Variants in CSTPP1 observed in about 807,000 individuals in gnomAD.
The protein encoded by CSTPP1 is centriolar satellite-associated tubulin polyglutamylase complex regulator 1.
At chr11:46,986,214 C>CA in the CSTPP1 span, among the ~76,000 whole-genome samples, 1 of 152,178 alleles carries the variant, frequency 6.6e-6, no homozygotes, top group African/African-American at 2.4e-5. Context: ...AGCCATGATT[C>CA]AAACTCAGGT....
chr11:46,993,678 A>T, the CSTPP1 span, among the ~76,000 whole-genome samples: 1 of 152,250 alleles, frequency 6.6e-6, no homozygotes, highest in African/African-American at 2.4e-5. Flanking sequence ...TGGTTACTGT[A>T]GCCTTGTAGT....
the CSTPP1 span, among the ~76,000 whole-genome samples, chr11:46,963,380 T>A: frequency 6.6e-6 from 1 of 151,572 alleles, no homozygotes; most frequent in Non-Finnish European, 1.5e-5. Context: ...TTTTTCCACA[T>A]CTATTGAGAT....
the CSTPP1 span, among the ~76,000 whole-genome samples, chr11:47,011,146 C>G: frequency 6.6e-6 from 1 of 152,096 alleles, no homozygotes; most frequent in South Asian, 2.1e-4. Flanking sequence ...ACATTTATCA[C>G]CCACGGTTTT....
chr11:47,065,315 AT>A, the CSTPP1 span, among the ~76,000 whole-genome samples: 5 of 148,576 alleles, frequency 3.4e-5, no homozygotes, highest in Non-Finnish European at 7.5e-5. Flanking sequence ...TCTTTCAGCA[AT>A]TTTTTTTTTA....
chr11:47,047,250 A>G, the CSTPP1 span, among the ~76,000 whole-genome samples: 1 of 152,332 alleles, frequency 6.6e-6, no homozygotes, highest in Non-Finnish European at 1.5e-5. Flanking sequence ...CTGAGAGAAG[A>G]AGCTAATCCT....
the CSTPP1 span, among the ~76,000 whole-genome samples, chr11:47,005,951 A>G: frequency 5.3e-5 from 8 of 152,168 alleles, no homozygotes; most frequent in East Asian, 1.2e-3. Context: ...CGTTCTAGAT[A>G]CTAGGGATAT....
At chr11:46,985,553 A>C in the CSTPP1 span, among the ~76,000 whole-genome samples, 5 of 152,162 alleles carry the variant, frequency 3.3e-5, no homozygotes, top group Non-Finnish European at 7.3e-5. Context: ...CTGAATTGGA[A>C]GCTTCTATGT....
At chr11:47,160,600 G>A in the CSTPP1 span, 2 of 154,242 alleles carry the variant, frequency 1.3e-5, no homozygotes, top group African/African-American at 4.8e-5. Flanking sequence ...TTGGAAAAAG[G>A]GGAAATCTGC....
chr11:47,163,784 G>A, the CSTPP1 span, among the ~76,000 whole-genome samples: 6 of 151,936 alleles, frequency 3.9e-5, no homozygotes, highest in Non-Finnish European at 8.8e-5. Context: ...AGGATTACAG[G>A]CATGCACCAC....
the CSTPP1 span, among the ~76,000 whole-genome samples, chr11:47,085,489 T>C: frequency 6.6e-6 from 1 of 152,114 alleles, no homozygotes; most frequent in African/African-American, 2.4e-5. Flanking sequence ...CTGGAAAAGA[T>C]AAAATAAACA....
chr11:47,093,170 A>G, the CSTPP1 span, among the ~76,000 whole-genome samples: 5 of 152,206 alleles, frequency 3.3e-5, no homozygotes, highest in Non-Finnish European at 4.4e-5. Context: ...CATTTTACAA[A>G]TCAGTGGGGA....
At chr11:46,976,535 T>G in the CSTPP1 span, among the ~76,000 whole-genome samples, 3 of 152,148 alleles carry the variant, frequency 2.0e-5, no homozygotes, top group South Asian at 6.2e-4. Flanking sequence ...TTACAGAACC[T>G]CCCTAAGCTT....
chr11:47,014,487 C>G, the CSTPP1 span, among the ~76,000 whole-genome samples: 4 of 152,082 alleles, frequency 2.6e-5, no homozygotes, highest in Admixed American at 2.6e-4. Context: ...CACCGATCAC[C>G]TAAGTTGGGA....
the CSTPP1 span, chr11:47,157,285 G>A: frequency 6.8e-7 from 1 of 1,476,140 alleles, no homozygotes; most frequent in Non-Finnish European, 9.0e-7. Context: ...CTGCGGAACA[G>A]AGCTCCGCAG....
chr11:47,080,335 G>T, the CSTPP1 span, among the ~76,000 whole-genome samples: 2 of 151,924 alleles, frequency 1.3e-5, no homozygotes, highest in Admixed American at 1.3e-4. Context: ...CGCGCCTATA[G>T]TCCCAGCTGC....
the CSTPP1 span, among the ~76,000 whole-genome samples, chr11:47,146,532 C>T: frequency 6.6e-6 from 1 of 152,074 alleles, no homozygotes; most frequent in African/African-American, 2.4e-5. Context: ...CAGGAAACTC[C>T]CAACTAAATT....
the CSTPP1 span, among the ~76,000 whole-genome samples, chr11:46,939,631 CATAGATAGATAGATAGATAGATAG>C: frequency 8.6e-6 from 1 of 116,852 alleles, no homozygotes; most frequent in African/African-American, 2.8e-5. Flanking sequence ...CTCTAAAATG[CATAGATAGATAGATAGATAGATAG>C]ATAGATAGAT....
At chr11:47,154,964 T>G in the CSTPP1 span, 2 of 595,924 alleles carry the variant, frequency 3.4e-6, no homozygotes, top group Non-Finnish European at 6.0e-6. Context: ...GGTGGCAGAG[T>G]CCAATTGATG....
At chr11:47,020,964 G>A in the CSTPP1 span, among the ~76,000 whole-genome samples, 2 of 152,148 alleles carry the variant, frequency 1.3e-5, no homozygotes, top group Non-Finnish European at 2.9e-5. Context: ...CAGAGATAAC[G>A]AAACCATGTA....
Sources: allele counts gnomAD v4.1 joint callset (sites outside exome capture counted in the v4.1 genomes callset), GRCh38; gene constraint gnomAD v4.1.1; transcripts MANE v1.5; gene names NCBI Gene and HGNC (gene_info 2026-07-23, HGNC 2026-07-21).